PRRC2B: variants seen among roughly 807,000 people sequenced by gnomAD.
The protein encoded by PRRC2B is protein PRRC2B.
Under a neutral mutation model 242.3 loss-of-function variants are expected in PRRC2B, and 68 were observed. The observed-to-expected ratio is 0.28, with a 90% CI of 0.23 to 0.34. The LOEUF is 0.34. Among genes scored for constraint, PRRC2B ranks in the 10% least tolerant of loss-of-function variants. PRRC2B has a pLI of 1.00. For synonymous variants in PRRC2B, 1,228 were observed against 1,173.6 expected, an observed-to-expected ratio of 1.05 and a Z score of -0.95; for missense variants, 2,835 against 2,954.8, an observed-to-expected ratio of 0.96 and a Z score of 0.94.
intron 1 of PRRC2B, among the ~76,000 whole-genome samples, chr9:131,420,453 T>TTTTCTTTATTTC (rs1837777532): frequency 1.6e-5 from 1 of 60,988 alleles, no homozygotes; most frequent in Non-Finnish European, 3.3e-5. Context: ...TTCTTTTTCT[T>TTTTCTTTATTTC]TTTCTTTCTT....
intron 1 of PRRC2B, among the ~76,000 whole-genome samples, chr9:131,413,278 A>G (rs1837552323): frequency 1.3e-5 from 2 of 152,094 alleles, no homozygotes; most frequent in South Asian, 4.1e-4. Flanking sequence ...AAAAAGTTCT[A>G]AGTTCCTAGC....
chr9:131,451,639 C>A (rs879616807), intron 9 of PRRC2B, among the ~76,000 whole-genome samples: 1,526 of 152,198 alleles, frequency 0.01, 24 homozygotes, highest in Non-Finnish European at 0.013. Flanking sequence ...ACCTCAAGTT[C>A]TTTCTGGTCT....
chr9:131,453,241 G>A (rs967212206), intron 9 of PRRC2B, among the ~76,000 whole-genome samples: 4 of 152,034 alleles, frequency 2.6e-5, no homozygotes, highest in Non-Finnish European at 4.4e-5. Flanking sequence ...TGTTTTCAGC[G>A]AAAATCTTTT....
At chr9:131,377,823 A>G (rs1054944539) in intron 1 of PRRC2B, among the ~76,000 whole-genome samples, 2 of 152,180 alleles carry the variant, frequency 1.3e-5, no homozygotes, top group African/African-American at 2.4e-5. Context: ...TGGCACACAC[A>G]TGGCTCCCTG....
At chr9:131,437,750 C>T (rs996224063) in intron 4 of PRRC2B, among the ~76,000 whole-genome samples, 13 of 152,218 alleles carry the variant, frequency 8.5e-5, no homozygotes, top group Admixed American at 3.9e-4. Context: ...ATGCAAGATG[C>T]CCTTTTCCTT....
chr9:131,436,965 C>T (rs1373950922), intron 4 of PRRC2B, among the ~76,000 whole-genome samples: 3 of 152,122 alleles, frequency 2.0e-5, no homozygotes, highest in Non-Finnish European at 2.9e-5. Context: ...GATACAGGCA[C>T]CTACTTTGGT....
chr9:131,400,856 A>T (rs1270047004), intron 1 of PRRC2B, among the ~76,000 whole-genome samples: 1 of 152,072 alleles, frequency 6.6e-6, no homozygotes, highest in Non-Finnish European at 1.5e-5. Context: ...GTTTCTAGGG[A>T]CATGGATGCC....
intron 9 of PRRC2B, among the ~76,000 whole-genome samples, chr9:131,448,569 A>AAAAAAAAAAAAAAAAAG (rs1838902599): frequency 6.8e-6 from 1 of 146,312 alleles, no homozygotes; most frequent in Admixed American, 6.9e-5. Flanking sequence ...AAAAAAAAAA[A>AAAAAAAAAAAAAAAAAG]AGGAAAGAGA....
In PRRC2B at chr9:131,482,185, G is replaced by A. The variant is rs1222065941; in HGVS notation, c.4984-186G>A. ...AGATCCTGTGGTCACGAGCTCTATC[G>A]GGGTTGGTGTGTTTGGCCACACGTA... On this transcript the variant is annotated intron_variant, in intron 20 of 31. Coordinates refer to ENST00000683519, the MANE Select transcript of PRRC2B (RefSeq NM_013318.4). The surrounding 1 kb of genome is among the most constrained non-coding windows in gnomAD (Gnocchi z 5.2). 1.3e-5 allele frequency among the ~76,000 whole-genome samples: 2 copies of A among 152,196 alleles called. No homozygotes were observed. The highest frequency in any genetic ancestry group is 2.4e-5 in the African/African-American group (1 of 41,440).
intron 1 of PRRC2B, among the ~76,000 whole-genome samples, chr9:131,395,767 T>C (rs954332038): frequency 1.3e-5 from 2 of 152,152 alleles, no homozygotes; most frequent in African/African-American, 4.8e-5. Context: ...TGGGCGCTTA[T>C]ACAGTGCTGA....
At chr9:131,385,693 T>C (rs554070217) in intron 1 of PRRC2B, among the ~76,000 whole-genome samples, 1 of 150,754 alleles carries the variant, frequency 6.6e-6, no homozygotes, top group East Asian at 2.0e-4. Flanking sequence ...AAACAACAGC[T>C]ATCCTCATTC....
chr9:131,412,592 G>C (rs1484402405), intron 1 of PRRC2B, among the ~76,000 whole-genome samples: 1 of 152,192 alleles, frequency 6.6e-6, no homozygotes, highest in Non-Finnish European at 1.5e-5. Context: ...ATGGCACCAG[G>C]TACATGAGGG....
chr9:131,475,317 AGGCCCG>A lies in PRRC2B; in HGVS notation c.3191_3196del (p.Ala1064_Arg1065del), dbSNP rs1429229258. On this transcript the variant is annotated inframe_deletion, in exon 16 of 32. Coordinates refer to ENST00000683519, the MANE Select transcript of PRRC2B (RefSeq NM_013318.4). ...GAGCAAGCCTTTGGGGTCAGAGGAC[AGGCCCG>A]GGGCCGGGGCCGTGGTTTCAGAGAG... The A allele has an allele frequency of 1.9e-6, 3 of 1,600,336 alleles. No individual in the cohort carries two copies. Among genetic ancestry groups the A allele is most frequent in the Non-Finnish European group, 2.6e-6 (3 of 1,174,250 alleles).
intron 17 of PRRC2B, 79 bp from the exon 18 acceptor site, chr9:131,478,395 T>C: frequency 1.4e-6 from 2 of 1,386,798 alleles, no homozygotes; most frequent in East Asian, 2.3e-5. Flanking sequence ...ATGCTAGATC[T>C]CAGGCGCCTG....
In PRRC2B at chr9:131,455,072, G is replaced by A. The variant is rs764232879; in HGVS notation, c.1121-4G>A. 3 of 1,610,616 alleles carry A rather than the reference G, an allele frequency of 1.9e-6. No individual in the cohort carries two copies. The African/African-American group carries it at 4.0e-5, about 22-fold the overall frequency. On this transcript the variant is annotated splice_polypyrimidine_tract_variant and splice_region_variant and intron_variant, in intron 9 of 31. Transcript: ENST00000683519. ...ATTCTTCCTGGGCCCTCCTGCTGTT[G>A]TAGGCCTCCATGAAGAAGTGGACTA...
chr9:131,471,728 C>T (rs1943553198), intron 14 of PRRC2B, among the ~76,000 whole-genome samples: 2 of 152,214 alleles, frequency 1.3e-5, no homozygotes, highest in African/African-American at 4.8e-5. Context: ...TGCTGACCAA[C>T]TCCTGACTTA....
chr9:131,473,717 C>A lies in PRRC2B; in HGVS notation c.2317C>A (p.Arg773Ser), dbSNP rs200933338. 6.2e-7 allele frequency: 1 copy of A among 1,612,178 alleles called. No homozygotes were observed. Among genetic ancestry groups the A allele is most frequent in the South Asian group, 1.1e-5 (1 of 90,832 alleles). Residue 773 changes from arginine (R) to serine (S), a missense_variant, in exon 15 of 32, where the codon CGT becomes AGT. Physicochemically the swap from Arg to Ser is moderately radical, Grantham distance 110. Coordinates refer to ENST00000683519, the MANE Select transcript of PRRC2B (RefSeq NM_013318.4). Reference sequence around the variant, plus strand: ...GAGTGACACCTTGGCTATGGACATGCGTGTCAGGTGAGATGAAGCCTGGTC... The same window carrying A: ...GAGTGACACCTTGGCTATGGACATGAGTGTCAGGTGAGATGAAGCCTGGTC... ...KSSDTLAMDM[R>S]VRNESSFSAS...
Position 131,485,968 on chromosome 9 carries a change from C to G in PRRC2B, c.5759-117C>G, listed in dbSNP as rs1318364381. On this transcript the variant is annotated intron_variant, in intron 25 of 31. Coordinates refer to ENST00000683519, the MANE Select transcript of PRRC2B (RefSeq NM_013318.4). ...AACCTAGCAGCCTCTGTACACACGCCCTCGTCCCCACTGAGTCCCCTGGGT... is the reference window on the plus strand; with the variant it reads ...AACCTAGCAGCCTCTGTACACACGCGCTCGTCCCCACTGAGTCCCCTGGGT... 4 of 763,396 alleles carry G rather than the reference C, an allele frequency of 5.2e-6. No homozygotes were observed. In the East Asian group the frequency reaches 1.1e-4, roughly 20 times the overall value. The allele number at this position is 763,396 out of a possible 1,614,324, so 47.3% of individuals were successfully genotyped here.
intron 11 of PRRC2B, 67 bp from the exon 12 acceptor site, chr9:131,464,696 G>C (rs947210179): frequency 7.1e-7 from 1 of 1,400,988 alleles, no homozygotes; most frequent in Admixed American, 2.5e-5. Context: ...TGATCCCAAA[G>C]TGGGAGTGGT....
Sources: gnomAD v4.1 joint callset for allele counts (sites outside exome capture counted in the v4.1 genomes callset) on GRCh38, gnomAD v4.1.1 for gene constraint, Gnocchi (gnomAD v3.1) non-coding constraint, MANE v1.5 for transcripts, NCBI Gene and HGNC (gene_info 2026-07-23, HGNC 2026-07-21) for gene names.